The following JCAD variants were observed in gnomAD, a reference collection of about 807,000 sequenced individuals.
JCAD encodes the protein junctional cadherin 5 associated, also known as junctional cadherin 5-associated protein.
A neutral mutation model predicts 98.0 loss-of-function variants in JCAD; 40 were observed. The ratio of observed to expected loss-of-function variants is 0.41; its 90% CI spans 0.32 to 0.53. JCAD has a LOEUF of 0.53. JCAD is among the 20% of genes least tolerant of loss of function. JCAD has a pLI of 0.31. For missense variants in JCAD, 1,705 were observed against 1,738.1 expected (o/e 0.98, Z 0.34); for synonymous variants, 691 against 682.3 (o/e 1.01, Z -0.20).
At chr10:30,055,506 T>A (rs1446654043) in intron 1 of JCAD, among the ~76,000 whole-genome samples, 1 of 152,338 alleles carries the variant, frequency 6.6e-6, no homozygotes, top group African/African-American at 2.4e-5. Flanking sequence ...ACAATAGAAT[T>A]GCTATTTCCC....
rs751212147 is a variant in JCAD, at chr10:30,047,626, T to C, written c.187A>G (p.Lys63Glu). 3.6e-5 allele frequency: 58 copies of C among 1,613,538 alleles called. No individual in the cohort carries two copies. The highest frequency in any genetic ancestry group is 5.0e-5 in the Admixed American group (3 of 59,964). The change falls in exon 2 of 4, where the codon AAA (lysine) becomes GAA (glutamate). Residue 63 changes from lysine (K) to glutamate (E), a missense_variant. Around this residue, in one of 3 missense-constraint regions of JCAD, gnomAD observed 152 missense variants for 148.0 expected, o/e 1.03. Coordinates refer to ENST00000375377, the MANE Select transcript of JCAD (RefSeq NM_020848.4). ...ALAHRKTSAG[K>E]GHVSDSESRR... ...CTTTCGGAGTCACTCACATGTCCTTTCCCCGCGGACGTCTTACGATGTGCG... is the reference window on the plus strand; with the variant it reads ...CTTTCGGAGTCACTCACATGTCCTTCCCCCGCGGACGTCTTACGATGTGCG...
chr10:30,057,925 T>C (rs1039655642), intron 1 of JCAD, among the ~76,000 whole-genome samples: 8 of 152,210 alleles, frequency 5.3e-5, no homozygotes, highest in African/African-American at 1.9e-4. Context: ...ACAAGTCCAA[T>C]GAAATAGAAT....
At chr10:30,071,370 A>G (rs1331382058) in intron 1 of JCAD, among the ~76,000 whole-genome samples, 1 of 152,146 alleles carries the variant, frequency 6.6e-6, no homozygotes, top group African/African-American at 2.4e-5. Flanking sequence ...GCATGTGGGA[A>G]ACCTCTGGAA....
intron 2 of JCAD, among the ~76,000 whole-genome samples, chr10:30,032,310 T>G (rs1336044763): frequency 6.6e-6 from 1 of 152,190 alleles, no homozygotes; most frequent in East Asian, 1.9e-4. Flanking sequence ...TTAATTGGTC[T>G]AATGAGGAGC....
chr10:30,084,781 G>GTATCTATCTATCTATC (rs61201965), intron 1 of JCAD, among the ~76,000 whole-genome samples: 72 of 146,874 alleles, frequency 4.9e-4, no homozygotes, highest in Admixed American at 6.9e-4. Context: ...AATCAAATCT[G>GTATCTATCTATCTATC]TATCTATCTA....
intron 1 of JCAD, among the ~76,000 whole-genome samples, chr10:30,113,491 C>T (rs1838740869): frequency 1.6e-5 from 2 of 124,614 alleles, no homozygotes; most frequent in South Asian, 5.2e-4. Context: ...GTGGAGGTTG[C>T]AATGAGCCAA....
intron 1 of JCAD, among the ~76,000 whole-genome samples, chr10:30,073,617 A>C (rs1837931249): frequency 6.6e-6 from 1 of 151,986 alleles, no homozygotes; most frequent in Admixed American, 6.6e-5. Flanking sequence ...CATTCCATTT[A>C]GCATTTACAA....
intron 1 of JCAD, among the ~76,000 whole-genome samples, chr10:30,103,546 A>C (rs1838506081): frequency 6.6e-6 from 1 of 152,128 alleles, no homozygotes; most frequent in South Asian, 2.1e-4. Context: ...TGATGTTAAA[A>C]TAGATAAGAA....
At chr10:30,047,927 A>G (rs188092426) in intron 1 of JCAD, 56 bp from the exon 2 acceptor site, 51 of 1,122,328 alleles carry the variant, frequency 4.5e-5, no homozygotes, top group Non-Finnish European at 6.1e-5. Flanking sequence ...GGTCAGTCTG[A>G]CACCTCCTCC....
At chr10:30,033,980 T>C (rs1837056766) in intron 2 of JCAD, among the ~76,000 whole-genome samples, 1 of 152,110 alleles carries the variant, frequency 6.6e-6, no homozygotes. Context: ...TCCTAGCGCT[T>C]TGGAGGCTGA....
At chr10:30,069,868 T>G (rs1837855516) in intron 1 of JCAD, 1 of 152,178 alleles carries the variant, frequency 6.6e-6, no homozygotes, top group South Asian at 2.1e-4. Flanking sequence ...ATATCTAGGC[T>G]TTCTTGAATT....
chr10:30,079,085 G>C (rs922123724), intron 1 of JCAD, among the ~76,000 whole-genome samples: 1 of 152,176 alleles, frequency 6.6e-6, no homozygotes, highest in Non-Finnish European at 1.5e-5. Flanking sequence ...AAATCTGGCT[G>C]AACTTGTTAG....
In JCAD at chr10:30,015,987, C is replaced by A. The variant is rs1385014258; in HGVS notation, c.*1896G>T. 9.2e-5 allele frequency: 14 copies of A among 152,144 alleles called. No individual in the cohort carries two copies. Among genetic ancestry groups the A allele is most frequent in the Admixed American group, 9.2e-4 (14 of 15,278 alleles). 9.4% of individuals were successfully genotyped at this position (152,144 alleles called of 1,614,324 possible). A position where few individuals can be genotyped will look rare whatever the true frequency, so the allele number is the denominator to read the frequency against. On this transcript the variant is annotated 3_prime_UTR_variant, in exon 4 of 4. Transcript: ENST00000375377. ...TCCTGGGAAGAGGATCTTTTTGTTT[C>A]CCGCACTTATTGCTGCTGTGAAAAC...
At chr10:30,044,701 A>T in intron 2 of JCAD, 1 of 359,050 alleles carries the variant, frequency 2.8e-6, no homozygotes, top group Non-Finnish European at 3.8e-6. Flanking sequence ...TTTAAATTTA[A>T]GCTGTTAACT....
rs182760536 is a variant in JCAD at position 30,029,099 on chromosome 10, G to A, written c.1049C>T (p.Pro350Leu). 4.7e-5 allele frequency: 76 copies of A among 1,614,126 alleles called. No homozygotes were observed. Among genetic ancestry groups the A allele is most frequent in the Admixed American group, 2.2e-4 (13 of 60,024 alleles). Residue 350 changes from proline (P) to leucine (L), a missense_variant, in exon 3 of 4, where the codon CCG becomes CTG. Around this residue, in one of 3 missense-constraint regions of JCAD, gnomAD observed 275 missense variants for 346.9 expected, o/e 0.79. Transcript: ENST00000375377. ...YVPPPSYRSPPQNIPNPYLED... is the reference protein window; with the variant it reads ...YVPPPSYRSPLQNIPNPYLED... ...CAAGTAGGGGTTTGGGATGTTCTGCGGGGGCGATCTGTATGAGGGCGGAGG... is the reference window on the plus strand; with the variant it reads ...CAAGTAGGGGTTTGGGATGTTCTGCAGGGGCGATCTGTATGAGGGCGGAGG...
At chr10:30,049,547 T>C (rs1367200735) in intron 1 of JCAD, among the ~76,000 whole-genome samples, 2 of 152,214 alleles carry the variant, frequency 1.3e-5, no homozygotes, top group East Asian at 1.9e-4. Context: ...CTACATTTTA[T>C]GGAAGCTGAC....
chr10:30,044,723 T>A, intron 2 of JCAD: 3 of 744,994 alleles, frequency 4.0e-6, no homozygotes, highest in Non-Finnish European at 4.9e-6. Context: ...TTGACACCTA[T>A]TTACTTTTTC....
chr10:30,112,561 T>C (rs1412061448), intron 1 of JCAD, among the ~76,000 whole-genome samples: 2 of 152,144 alleles, frequency 1.3e-5, no homozygotes, highest in African/African-American at 4.8e-5. Flanking sequence ...AGTCACATAA[T>C]GTATGATTTC....
At chr10:30,094,370 TC>T (rs2132700363) in intron 1 of JCAD, among the ~76,000 whole-genome samples, 1 of 151,838 alleles carries the variant, frequency 6.6e-6, no homozygotes, top group South Asian at 2.1e-4. Flanking sequence ...AATCCCACGA[TC>T]CCGGGAGGCG....
Sources: allele counts gnomAD v4.1 joint callset (sites outside exome capture counted in the v4.1 genomes callset), GRCh38; gene constraint gnomAD v4.1.1; regional missense constraint gnomAD v4.1.1; transcripts MANE v1.5; gene names NCBI Gene and HGNC (gene_info 2026-07-23, HGNC 2026-07-21).